The following POLA1 variants were observed in gnomAD, a reference collection of about 807,000 sequenced individuals.
POLA1 encodes the protein DNA polymerase alpha catalytic subunit.
A neutral mutation model predicts 124.0 loss-of-function variants in POLA1; 15 were observed. That is an observed-to-expected ratio of 0.12 (90% CI 0.08 to 0.19). The LOEUF (loss-of-function observed/expected upper bound fraction) is 0.19. Among genes scored for constraint, POLA1 ranks in the 10% least tolerant of loss-of-function variants. The probability of loss-of-function intolerance (pLI) is 1.00; values close to 1 mark genes in which losing one functional copy is unlikely to be tolerated. For missense variants in POLA1, 886 were observed against 1,103.4 expected, an observed-to-expected ratio of 0.80 and a Z score of 2.79; for synonymous variants, 408 against 389.4, an observed-to-expected ratio of 1.05 and a Z score of -0.56.
At chrX:24,697,033 A>G (rs1229611600) in intron 1 of POLA1, among the ~76,000 whole-genome samples, 1 of 111,510 alleles carries the variant, frequency 9.0e-6, no homozygotes, top group Non-Finnish European at 1.9e-5. Flanking sequence ...GGCAAAATTA[A>G]CAGCTCTCTC....
At chrX:24,828,580 G>A (rs1201867812) in intron 32 of POLA1, among the ~76,000 whole-genome samples, 2 of 111,929 alleles carry the variant, frequency 1.8e-5, no homozygotes, top group East Asian at 5.6e-4. Flanking sequence ...GAAAACCTCT[G>A]AGTAAAACCA....
At chrX:24,752,735 A>G (rs1457422332) in intron 26 of POLA1, among the ~76,000 whole-genome samples, 1 of 112,089 alleles carries the variant, frequency 8.9e-6, no homozygotes, top group Non-Finnish European at 1.9e-5. Context: ...TATTAAAGAA[A>G]AGCTAAAACT....
At chrX:24,905,593 C>T (rs1373971836) in intron 35 of POLA1, among the ~76,000 whole-genome samples, 1 of 69,654 alleles carries the variant, frequency 1.4e-5, no homozygotes, top group Non-Finnish European at 2.5e-5. Flanking sequence ...GACAGAGTTT[C>T]GCTCTTTCAC....
At chrX:24,968,737 G>C (rs1465444102) in intron 36 of POLA1, among the ~76,000 whole-genome samples, 1 of 107,820 alleles carries the variant, frequency 9.3e-6, no homozygotes, top group Non-Finnish European at 1.9e-5. Context: ...CCATTGTATT[G>C]GTAAGCTGTT....
At chrX:24,965,312 A>AT (rs2048209790) in intron 36 of POLA1, among the ~76,000 whole-genome samples, 1 of 112,050 alleles carries the variant, frequency 8.9e-6, no homozygotes, top group African/African-American at 3.2e-5. Context: ...AAACTTCTGA[A>AT]TTTTCTTCAA....
intron 36 of POLA1, among the ~76,000 whole-genome samples, chrX:24,954,348 C>A (rs2048081052): frequency 8.9e-6 from 1 of 112,225 alleles, no homozygotes; most frequent in Non-Finnish European, 1.9e-5. Flanking sequence ...CTTTAAAAAT[C>A]TGGCTGTGTT....
intron 36 of POLA1, among the ~76,000 whole-genome samples, chrX:24,970,641 A>G (rs1257891430): frequency 1.8e-5 from 2 of 112,242 alleles, no homozygotes; most frequent in Non-Finnish European, 3.8e-5. Context: ...TGGGCAAAGG[A>G]CATGAACAGA....
chrX:24,759,579 TCAAA>T (rs954647089), intron 26 of POLA1, among the ~76,000 whole-genome samples: 1 of 112,343 alleles, frequency 8.9e-6, no homozygotes, highest in Non-Finnish European at 1.9e-5. Flanking sequence ...GCCAGGATAC[TCAAA>T]CAAGAAAAAG....
At chrX:24,846,212 T>C (rs1351209441) in intron 34 of POLA1, among the ~76,000 whole-genome samples, 1 of 111,955 alleles carries the variant, frequency 8.9e-6, no homozygotes, top group African/African-American at 3.2e-5. Context: ...TTAATAAATA[T>C]TGGCTCCTTT....
At chrX:24,927,407 T>C (rs1360707253) in intron 35 of POLA1, among the ~76,000 whole-genome samples, 2 of 111,947 alleles carry the variant, frequency 1.8e-5, no homozygotes, top group Non-Finnish European at 3.8e-5. Flanking sequence ...TCTTCAACAA[T>C]ATTTGCCAAG....
chrX:24,915,706 A>C (rs1197398365), intron 35 of POLA1, among the ~76,000 whole-genome samples: 1 of 111,997 alleles, frequency 8.9e-6, no homozygotes, highest in South Asian at 3.7e-4. Context: ...GACTGATTTC[A>C]TGCTTTATTT....
At chrX:24,756,699 T>C (rs929176562) in intron 26 of POLA1, among the ~76,000 whole-genome samples, 1 of 111,774 alleles carries the variant, frequency 8.9e-6, no homozygotes, top group African/African-American at 3.3e-5. Flanking sequence ...TGCATATGTG[T>C]ACTTTTTTGG....
intron 35 of POLA1, among the ~76,000 whole-genome samples, chrX:24,921,908 G>GTGTGTGTGTGTGTGT (rs1569363662): frequency 9.0e-6 from 1 of 110,560 alleles, no homozygotes; most frequent in Non-Finnish European, 1.9e-5. Flanking sequence ...GTGTGTGTGT[G>GTGTGTGTGTGTGTGT]ATGGGGGTGG....
intron 36 of POLA1, among the ~76,000 whole-genome samples, chrX:24,985,463 A>G (rs1482154683): frequency 8.8e-6 from 1 of 113,178 alleles, no homozygotes; most frequent in East Asian, 2.8e-4. Context: ...CATTGGAGTC[A>G]GTACCTGGCC....
chrX:24,844,101 A>G (rs2046444112), intron 34 of POLA1, among the ~76,000 whole-genome samples: 2 of 111,686 alleles, frequency 1.8e-5, no homozygotes, highest in Non-Finnish European at 3.8e-5. Context: ...TGCCCACACA[A>G]AACTAATACT....
intron 2 of POLA1, among the ~76,000 whole-genome samples, chrX:24,699,940 C>G (rs1833824366): frequency 9.6e-6 from 1 of 103,641 alleles, no homozygotes; most frequent in African/African-American, 3.5e-5. Context: ...AACTGTTCTT[C>G]CTAATCTCAT....
intron 15 of POLA1, among the ~76,000 whole-genome samples, chrX:24,731,121 G>A (rs4531211): frequency 0.48 from 52,808 of 110,633 alleles, 10,135 homozygotes; most frequent in East Asian, 0.67. Flanking sequence ...AGTAATCAGC[G>A]CCTCTAAAGT....
At chrX:24,758,149 G>A (rs1040378068) in intron 26 of POLA1, among the ~76,000 whole-genome samples, 10 of 111,291 alleles carry the variant, frequency 9.0e-5, no homozygotes, top group African/African-American at 3.3e-4. Flanking sequence ...AGAGAAATGC[G>A]ATGATAAAAA....
intron 34 of POLA1, among the ~76,000 whole-genome samples, chrX:24,875,187 G>A (rs1024750643): frequency 9.0e-6 from 1 of 111,403 alleles, no homozygotes; most frequent in Admixed American, 9.6e-5. Context: ...CACAAAAGAA[G>A]GGGGGAGGAA....
Sources: gnomAD v4.1 joint callset for allele counts (sites outside exome capture counted in the v4.1 genomes callset) on GRCh38, gnomAD v4.1.1 for gene constraint, MANE v1.5 for transcripts, NCBI Gene and HGNC (gene_info 2026-07-23, HGNC 2026-07-21) for gene names.